Variants in WDFY3 observed in about 807,000 individuals in gnomAD.
The protein encoded by WDFY3 is WD repeat and FYVE domain containing 3.
A neutral mutation model predicts 409.6 loss-of-function variants in WDFY3; 66 were observed. The ratio of observed to expected loss-of-function variants is 0.16; its 90% CI spans 0.13 to 0.20. The LOEUF (loss-of-function observed/expected upper bound fraction) is 0.20. Ranked by LOEUF, WDFY3 falls within the 10% of genes least tolerant of loss-of-function variation. WDFY3 has a pLI of 1.00. For synonymous variants in WDFY3, 1,521 were observed against 1,537.1 expected (o/e 0.99, Z 0.25); for missense variants, 3,031 against 4,298.1 (o/e 0.71, Z 8.24).
At chr4:84,731,957 T>C (rs1351491626) in intron 44 of WDFY3, among the ~76,000 whole-genome samples, 3 of 152,220 alleles carry the variant, frequency 2.0e-5, no homozygotes, top group African/African-American at 7.2e-5. Flanking sequence ...ATCAAATTGC[T>C]AATGGCTTAA....
chr4:84,789,103 C>T (rs906242499), intron 22 of WDFY3, among the ~76,000 whole-genome samples: 5 of 152,158 alleles, frequency 3.3e-5, no homozygotes, highest in African/African-American at 7.2e-5. Context: ...TCAGAGCTTG[C>T]GAACTGAGTT....
intron 1 of WDFY3, among the ~76,000 whole-genome samples, chr4:84,940,098 C>T (rs1219626222): frequency 1.3e-5 from 2 of 152,042 alleles, no homozygotes; most frequent in African/African-American, 2.4e-5. Context: ...TGTGTCTCTC[C>T]TTCTTCAGGG....
At chr4:84,831,201 A>C (rs1225439044) in intron 8 of WDFY3, among the ~76,000 whole-genome samples, 2 of 151,744 alleles carry the variant, frequency 1.3e-5, no homozygotes, top group Non-Finnish European at 2.9e-5. Context: ...AAAAAAAAAA[A>C]AGAAATATCT....
At chr4:84,775,180 A>T in intron 27 of WDFY3, 42 bp from the exon 28 acceptor site, 1 of 1,547,988 alleles carries the variant, frequency 6.5e-7, no homozygotes, top group Non-Finnish European at 8.8e-7. Flanking sequence ...GGTTAAAAAA[A>T]ATGCCCAAAT....
chr4:84,708,917 C>A lies in WDFY3; in HGVS notation c.8209G>T (p.Asp2737Tyr). ...AATGACTTAAGATTTACCTCTGAGT[C>A]ATAATCTGCAAGGATCCAGGGGAAG... ...PVFPWILADY[D>Y]SEEVDLTNPK... The change falls in exon 53 of 68, where the codon GAC becomes TAC. Residue 2737 changes from aspartate (D) to tyrosine (Y), a missense_variant. Transcript: ENST00000295888. 6.2e-7 allele frequency: 1 copy of A among 1,612,836 alleles called. No homozygotes were observed. Among genetic ancestry groups the A allele is most frequent in the South Asian group, 1.1e-5 (1 of 90,876 alleles).
chr4:84,689,545 TA>T (rs1351753175), intron 61 of WDFY3, among the ~76,000 whole-genome samples: 2 of 152,254 alleles, frequency 1.3e-5, no homozygotes, highest in East Asian at 3.8e-4. Context: ...GTTTCTGGCC[TA>T]TACAGATGAT....
chr4:84,881,252 T>A (rs764406958), intron 3 of WDFY3, among the ~76,000 whole-genome samples: 4 of 152,148 alleles, frequency 2.6e-5, no homozygotes, highest in Non-Finnish European at 5.9e-5. Context: ...CATGGGAACA[T>A]GAGACTCATT....
intron 3 of WDFY3, among the ~76,000 whole-genome samples, chr4:84,864,407 G>A (rs1761095177): frequency 6.6e-6 from 1 of 150,838 alleles, no homozygotes; most frequent in Admixed American, 6.6e-5. Context: ...AATGCTACTG[G>A]AATTTTTGAT....
rs1307436831 is a variant in WDFY3, at chr4:84,828,994, G to A, written c.956+10C>T. Reference sequence around the variant, plus strand: ...CATTTAAAATACATTCTTAAATTGAGCAGTCTTACCTAAGCAAGAGATCAC... The same window carrying A: ...CATTTAAAATACATTCTTAAATTGAACAGTCTTACCTAAGCAAGAGATCAC... On this transcript the variant is annotated intron_variant, in intron 9 of 67. Transcript: ENST00000295888. 3 of 1,571,206 alleles carry A rather than the reference G, an allele frequency of 1.9e-6. No homozygotes were observed. The highest frequency in any genetic ancestry group is 1.7e-6 in the Non-Finnish European group (2 of 1,158,828).
At chr4:84,833,314 A>G (rs1018172748) in intron 7 of WDFY3, among the ~76,000 whole-genome samples, 4 of 152,198 alleles carry the variant, frequency 2.6e-5, no homozygotes, top group South Asian at 2.1e-4. Flanking sequence ...TGAAATAACT[A>G]TAACTCATGA....
chr4:84,690,520 C>T lies in WDFY3; in HGVS notation c.9349G>A (p.Val3117Ile), dbSNP rs972784154. 9.3e-6 allele frequency: 15 copies of T among 1,614,088 alleles called. No homozygotes were observed. Among genetic ancestry groups the T allele is most frequent in the East Asian group, 6.7e-5 (3 of 44,874 alleles). The change falls in exon 61 of 68, where the codon GTC becomes ATC. Residue 3117 changes from valine to isoleucine, a missense_variant. This residue lies in a region of WDFY3 where 152 missense variants were observed against 193.5 expected (regional missense o/e 0.79). Transcript: ENST00000295888. Reference protein sequence around the residue: ...MGTSKEKAKTVTLKQALLGHT... With the variant: ...MGTSKEKAKTITLKQALLGHT... The stretch of plus-strand genomic sequence containing the variant: ...TTCTCTCTTACCTGTTTGAGGGTGA[C>T]GGTCTTGGCCTTTTCTTTGGAGGTG...
chr4:84,671,773 T>C lies in WDFY3; in HGVS notation c.*1095A>G, dbSNP rs1286692786. 6.6e-6 allele frequency: 1 copy of C among 152,638 alleles called. No homozygotes were observed. The highest frequency in any genetic ancestry group is 2.4e-5 in the African/African-American group (1 of 41,466). 9.5% of individuals were successfully genotyped at this position (152,638 alleles called of 1,614,324 possible). ...TTAATTTTAAGCAGTTCTGACATGATTCAGTTTTACAACAAAGTTTATATG... is the reference window on the plus strand; with the variant it reads ...TTAATTTTAAGCAGTTCTGACATGACTCAGTTTTACAACAAAGTTTATATG... On this transcript the variant is annotated 3_prime_UTR_variant, in exon 68 of 68. Coordinates refer to ENST00000295888, the MANE Select transcript of WDFY3 (RefSeq NM_014991.6).
intron 3 of WDFY3, 140 bp from the exon 4 acceptor site, chr4:84,860,762 A>G: frequency 1.3e-6 from 1 of 793,936 alleles, no homozygotes. Context: ...TAAACAGAAA[A>G]GACAGAGAAG....
At position 84,736,052 on chromosome 4, in the gene WDFY3, T is replaced by C. The variant is rs984233109; in HGVS notation, c.6915+118A>G. On this transcript the variant is annotated intron_variant, in intron 42 of 67. Coordinates refer to ENST00000295888, the MANE Select transcript of WDFY3 (RefSeq NM_014991.6). Reference sequence around the variant, plus strand: ...AAATTCCCATAGTCTGGATTACTTCTATCTCTATTCTAAAGCAAAAATACA... The same window carrying C: ...AAATTCCCATAGTCTGGATTACTTCCATCTCTATTCTAAAGCAAAAATACA... 1.1e-5 allele frequency: 13 copies of C among 1,143,776 alleles called. No homozygotes were observed. The South Asian group carries it at 1.2e-4, about 11-fold the overall frequency. 70.9% of individuals were successfully genotyped at this position (1,143,776 alleles called of 1,614,324 possible). A position where few individuals can be genotyped will look rare whatever the true frequency, so the allele number is the denominator to read the frequency against.
chr4:84,837,296 T>A (rs1009209603), intron 6 of WDFY3, among the ~76,000 whole-genome samples: 5 of 152,198 alleles, frequency 3.3e-5, no homozygotes, highest in African/African-American at 1.2e-4. Flanking sequence ...GATTTTGTTA[T>A]ATAGTAAATT....
At chr4:84,688,797 A>G (rs1184421634) in intron 61 of WDFY3, among the ~76,000 whole-genome samples, 1 of 152,206 alleles carries the variant, frequency 6.6e-6, no homozygotes, top group Non-Finnish European at 1.5e-5. Flanking sequence ...TGTAGTCCTG[A>G]GGCGTCAACA....
At chr4:84,928,351 C>T (rs1050274301) in intron 2 of WDFY3, among the ~76,000 whole-genome samples, 2 of 152,190 alleles carry the variant, frequency 1.3e-5, no homozygotes, top group Non-Finnish European at 2.9e-5. Flanking sequence ...AGTCATGCTA[C>T]CAGCTTCCCT....
chr4:84,800,571 G>C (rs188815684), intron 17 of WDFY3, among the ~76,000 whole-genome samples: 2 of 152,284 alleles, frequency 1.3e-5, no homozygotes, highest in East Asian at 3.9e-4. Context: ...AATATGATTA[G>C]TGAAGAGACA....
At chr4:84,822,230 A>G (rs760819414) in intron 10 of WDFY3, among the ~76,000 whole-genome samples, 3 of 152,168 alleles carry the variant, frequency 2.0e-5, no homozygotes, top group Admixed American at 6.5e-5. Flanking sequence ...AGAAAGTTCT[A>G]TTTGAAGTAC....
Sources: gnomAD v4.1 joint callset for allele counts (sites outside exome capture counted in the v4.1 genomes callset) on GRCh38, gnomAD v4.1.1 for gene constraint, gnomAD v4.1.1 regional missense constraint, MANE v1.5 for transcripts, NCBI Gene and HGNC (gene_info 2026-07-23, HGNC 2026-07-21) for gene names.